The following DAB1 variants were observed in gnomAD, a reference collection of about 807,000 sequenced individuals.
The protein encoded by DAB1 is disabled homolog 1.
Under a neutral mutation model 64.6 loss-of-function variants are expected in DAB1, and 15 were observed. The ratio of observed to expected loss-of-function variants is 0.23; its 90% confidence interval spans 0.16 to 0.36. The LOEUF (loss-of-function observed/expected upper bound fraction) is 0.36, where lower values mean the gene tolerates loss of function less well. DAB1 is among the 10% of genes least tolerant of loss of function. DAB1 has a pLI of 1.00. For synonymous variants in DAB1, 235 were observed against 251.9 expected (o/e 0.93, Z 0.64); for missense variants, 596 against 706.7 (o/e 0.84, Z 1.78).
At chr1:58,321,288 T>C (rs77956908) in intron 4 of DAB1, among the ~76,000 whole-genome samples, 1,567 of 152,360 alleles carry the variant, frequency 0.01, 34 homozygotes, top group African/African-American at 0.036. Context: ...AAGAGTTCTC[T>C]TAATATTCAT....
Position 57,869,235 on chromosome 1 carries a change from G to A in DAB1, n.87+14764C>T, listed in dbSNP as rs113432498. ...GCAGGTAACAACAATTACCTGCAGG[G>A]ATTAAATGAGATAATGTATTTAATG... On this transcript the variant is annotated intron_variant and non_coding_transcript_variant, in intron 1 of 1. Coordinates refer to the DAB1 transcript ENST00000477280. Among the ~76,000 whole-genome samples the A allele has an allele frequency of 2.8e-3, 423 of 152,146 alleles. 1 individual carries two copies. Among genetic ancestry groups the A allele is most frequent in the African/African-American group, 9.8e-3 (405 of 41,520 alleles).
intron 2 of DAB1, among the ~76,000 whole-genome samples, chr1:57,185,870 A>G (rs67730723): frequency 0.059 from 9,023 of 152,188 alleles, 304 homozygotes; most frequent in Middle Eastern, 0.088. Context: ...GTGTGCCACA[A>G]TGCCGGAACA....
At chr1:57,130,011 T>C (rs1186691275) in intron 4 of DAB1, among the ~76,000 whole-genome samples, 2 of 151,854 alleles carry the variant, frequency 1.3e-5, no homozygotes, top group East Asian at 2.0e-4. Context: ...GCCTGGCCGA[T>C]ACAACAATAA....
intron 1 of DAB1, among the ~76,000 whole-genome samples, chr1:57,856,380 C>T (rs924014682): frequency 6.6e-6 from 1 of 152,164 alleles, no homozygotes; most frequent in Admixed American, 6.5e-5. Context: ...TCAAGGACAA[C>T]AAGTATGCTG....
At chr1:58,192,867 A>G (rs372073184) in intron 4 of DAB1, among the ~76,000 whole-genome samples, 1 of 152,202 alleles carries the variant, frequency 6.6e-6, no homozygotes, top group African/African-American at 2.4e-5. Context: ...AAATAAGTAC[A>G]GAGTTTCTGT....
intron 6 of DAB1, among the ~76,000 whole-genome samples, chr1:57,671,860 C>T (rs1439497206): frequency 6.6e-6 from 1 of 152,048 alleles, no homozygotes; most frequent in Non-Finnish European, 1.5e-5. Flanking sequence ...TCTACTGTAT[C>T]ACTTTGCACA....
rs115291320 is a variant in DAB1 at position 58,012,404 on chromosome 1, A to T, written n.388-128242T>A. On this transcript the variant is annotated intron_variant and non_coding_transcript_variant, in intron 5 of 20. Transcript: ENST00000485760. ...CACCCCTGTGGCCTCTTCAGGGTCC[A>T]CTTCTGGATTCTTCCTTCTGGCCTA... is the stretch of plus-strand genomic sequence containing the variant. 3.0e-3 allele frequency among the ~76,000 whole-genome samples: 454 copies of T among 152,222 alleles called. 3 individuals carry two copies. The highest frequency in any genetic ancestry group is 0.01 in the African/African-American group (429 of 41,550).
intron 4 of DAB1, among the ~76,000 whole-genome samples, chr1:58,331,809 TG>T (rs1662975553): frequency 6.6e-6 from 1 of 152,238 alleles, no homozygotes; most frequent in African/African-American, 2.4e-5. Flanking sequence ...TTATATGCAC[TG>T]GAAAACACAA....
At chr1:57,907,975 C>A (rs1644580665) in intron 5 of DAB1, among the ~76,000 whole-genome samples, 1 of 151,290 alleles carries the variant, frequency 6.6e-6, no homozygotes, top group South Asian at 2.1e-4. Context: ...CCAAATTACC[C>A]AGCACCATTA....
intron 6 of DAB1, among the ~76,000 whole-genome samples, chr1:57,657,945 T>C (rs1646337584): frequency 6.6e-6 from 1 of 152,192 alleles, no homozygotes; most frequent in South Asian, 2.1e-4. Flanking sequence ...ATTGATTCAT[T>C]TACCAAGTCA....
At chr1:57,734,516 T>A (rs1647591749) in intron 6 of DAB1, among the ~76,000 whole-genome samples, 1 of 152,250 alleles carries the variant, frequency 6.6e-6, no homozygotes, top group Admixed American at 6.5e-5. Context: ...TCAGTCTGGA[T>A]CCACAGAGGG....
chr1:58,384,058 G>GTT (rs534036894), intron 3 of DAB1, among the ~76,000 whole-genome samples: 2 of 143,254 alleles, frequency 1.4e-5, no homozygotes. Flanking sequence ...TTTTGTTGTT[G>GTT]TTTTTTTTTT....
At chr1:58,146,843 A>G (rs1022400023) in intron 5 of DAB1, among the ~76,000 whole-genome samples, 1 of 152,162 alleles carries the variant, frequency 6.6e-6, no homozygotes, top group Non-Finnish European at 1.5e-5. Context: ...CCATCCATCA[A>G]TGGATACTTA....
At chr1:57,408,302 G>C (rs947733121) in intron 1 of DAB1, among the ~76,000 whole-genome samples, 6 of 151,888 alleles carry the variant, frequency 4.0e-5, no homozygotes, top group African/African-American at 1.5e-4. Flanking sequence ...TTTAGAAAAG[G>C]CAGCATATAC....
intron 4 of DAB1, among the ~76,000 whole-genome samples, chr1:58,203,706 A>G (rs1658115332): frequency 6.6e-6 from 1 of 152,180 alleles, no homozygotes; most frequent in South Asian, 2.1e-4. Flanking sequence ...GGATAGCACT[A>G]TGAGAACTAC....
intron 5 of DAB1, among the ~76,000 whole-genome samples, chr1:58,006,399 G>A (rs1646583887): frequency 6.6e-6 from 1 of 152,090 alleles, no homozygotes; most frequent in African/African-American, 2.4e-5. Context: ...TATAAAGTCA[G>A]GACTCAATAG....
At position 57,718,690 on chromosome 1, in the gene DAB1, G is replaced by A. The variant is rs144442004; in HGVS notation, n.552-69025C>T. 9.9e-4 allele frequency among the ~76,000 whole-genome samples: 151 copies of A among 152,260 alleles called. 1 individual carries two copies. The highest frequency in any genetic ancestry group is 3.5e-3 in the African/African-American group (146 of 41,554). On this transcript the variant is annotated intron_variant and non_coding_transcript_variant, in intron 6 of 20. Coordinates refer to the DAB1 transcript ENST00000485760. ...TTACAATGCAATCAAGTCAGGTAAAGTCATGGATATTTCTTAGCAAAAAAT... is the reference window on the plus strand; with the variant it reads ...TTACAATGCAATCAAGTCAGGTAAAATCATGGATATTTCTTAGCAAAAAAT...
intron 4 of DAB1, among the ~76,000 whole-genome samples, chr1:57,116,024 C>T (rs1656072665): frequency 6.6e-6 from 1 of 152,154 alleles, no homozygotes; most frequent in South Asian, 2.1e-4. Flanking sequence ...CCATCTGTCC[C>T]TACTATCTAT....
intron 3 of DAB1, among the ~76,000 whole-genome samples, chr1:58,396,909 C>T (rs1254670958): frequency 4.6e-5 from 7 of 151,944 alleles, no homozygotes; most frequent in Admixed American, 2.6e-4. Flanking sequence ...AAACAAAATA[C>T]AAAAAACTAG....
Sources: allele counts gnomAD v4.1 joint callset (sites outside exome capture counted in the v4.1 genomes callset), GRCh38; gene constraint gnomAD v4.1.1; transcripts MANE v1.5; gene names NCBI Gene and HGNC (gene_info 2026-07-23, HGNC 2026-07-21).